GINS1: variants seen among roughly 807,000 people sequenced by gnomAD.
GINS1 encodes GINS complex subunit 1.
A neutral mutation model predicts 34.9 loss-of-function variants in GINS1; 26 were observed. The observed-to-expected ratio is 0.74, with a 90% CI of 0.55 to 1.03. The LOEUF (loss-of-function observed/expected upper bound fraction) is 1.03. GINS1 is among the 50% of genes least tolerant of loss of function. The pLI, the probability that GINS1 is intolerant of heterozygous loss-of-function variation, is 0.00. For missense variants in GINS1, 235 were observed against 237.9 expected (o/e 0.99, Z 0.08); for synonymous variants, 97 against 84.4 (o/e 1.15, Z -0.82).
chr20:25,434,040 T>C (rs2090440832), intron 5 of GINS1, among the ~76,000 whole-genome samples: 1 of 151,808 alleles, frequency 6.6e-6, no homozygotes. Flanking sequence ...TCCTAGCACT[T>C]TGGGAGTCCG....
intron 2 of GINS1, among the ~76,000 whole-genome samples, chr20:25,415,704 A>G (rs79811797): frequency 1.3e-5 from 2 of 151,918 alleles, no homozygotes; most frequent in Non-Finnish European, 2.9e-5. Context: ...AAAAAAAAAA[A>G]AGATGCCTGT....
intron 1 of GINS1, among the ~76,000 whole-genome samples, chr20:25,410,496 G>A (rs956995423): frequency 2.6e-5 from 4 of 152,250 alleles, no homozygotes; most frequent in East Asian, 1.9e-4. Flanking sequence ...GCTGGCCTCC[G>A]ACTCAGCGGC....
chr20:25,428,082 A>G (rs1032991601), intron 5 of GINS1, among the ~76,000 whole-genome samples: 3 of 152,006 alleles, frequency 2.0e-5, no homozygotes, highest in African/African-American at 7.2e-5. Context: ...CATGTTGGCC[A>G]GGCTGGTCTT....
At chr20:25,414,885 T>C (rs988448261) in intron 2 of GINS1, among the ~76,000 whole-genome samples, 1 of 152,178 alleles carries the variant, frequency 6.6e-6, no homozygotes, top group African/African-American at 2.4e-5. Context: ...GAACTAGCTA[T>C]AAAAGGTTTC....
At chr20:25,428,969 C>CTCTTTTTTTTTTTTTTTTT (rs2090410211) in intron 5 of GINS1, among the ~76,000 whole-genome samples, 1 of 127,442 alleles carries the variant, frequency 7.8e-6, no homozygotes. Context: ...ATTCCTCTCT[C>CTCTTTTTTTTTTTTTTTTT]TTTTTTTTTT....
intron 6 of GINS1, among the ~76,000 whole-genome samples, chr20:25,443,741 C>CA (rs1041133857): frequency 1.3e-5 from 2 of 151,970 alleles, no homozygotes; most frequent in African/African-American, 2.4e-5. Context: ...CTCAGCCTCC[C>CA]AAAGTGCTGG....
chr20:25,423,446 TC>T (rs1360370936), intron 4 of GINS1, among the ~76,000 whole-genome samples: 13 of 113,528 alleles, frequency 1.1e-4, no homozygotes, highest in Non-Finnish European at 1.9e-4. Context: ...AAGATATTTT[TC>T]TTTTCTTTTT....
rs567984534 is a variant in GINS1, at chr20:25,418,253, T to A, written c.330+58T>A. ...GAAAATGCTAAAGTTCTGGCATTGT[T>A]CTATAATAGTGTTTATTGGTATTCC... On this transcript the variant is annotated intron_variant, in intron 4 of 6. Coordinates refer to ENST00000262460, the MANE Select transcript of GINS1 (RefSeq NM_021067.5). 2.0e-5 allele frequency: 19 copies of A among 959,324 alleles called. No individual in the cohort carries two copies. In the African/African-American group the frequency reaches 2.7e-4, roughly 14 times the overall value. 59.4% of individuals were successfully genotyped at this position (959,324 alleles called of 1,614,324 possible). A position where few individuals can be genotyped will look rare whatever the true frequency, so the allele number is the denominator to read the frequency against.
chr20:25,417,111 G>A lies in GINS1; in HGVS notation c.148G>A (p.Ala50Thr), dbSNP rs1315393139. 1.3e-6 allele frequency: 2 copies of A among 1,536,644 alleles called. No homozygotes were observed. The highest frequency in any genetic ancestry group is 1.8e-6 in the Non-Finnish European group (2 of 1,113,344). The change falls in exon 3 of 7, where the codon GCA (alanine) becomes ACA (threonine). Residue 50 changes from alanine (A) to threonine (T), a missense_variant. By Grantham distance (58) the Ala-to-Thr change is moderately conservative. Transcript: ENST00000262460. ...YEQNQSDVNE[A>T]KSGGRSDLIP... ...TTTAAATGCTCCTATCAGGAATGAA[G>A]CAAAGTCAGGTGGACGAAGTGATTT...
chr20:25,410,982 A>G (rs2090281194), intron 1 of GINS1: 1 of 152,190 alleles, frequency 6.6e-6, no homozygotes, highest in African/African-American at 2.4e-5. Context: ...GTACATTTTT[A>G]AGAAAGTTAG....
intron 5 of GINS1, among the ~76,000 whole-genome samples, chr20:25,435,361 C>T (rs1258761521): frequency 6.6e-6 from 1 of 152,132 alleles, no homozygotes; most frequent in Non-Finnish European, 1.5e-5. Flanking sequence ...CGCAGTGGCA[C>T]AATCATAGCT....
rs1250920153 is a variant in GINS1 at position 25,427,754 on chromosome 20, A to G, written c.447+2427A>G. ...ATATGATTTGCAAATATTTTCTCCC[A>G]TTCTCTGGGTTGCCTTTTTATGCTG... On this transcript the variant is annotated intron_variant, in intron 5 of 6. Transcript: ENST00000262460. Among the ~76,000 whole-genome samples the G allele has an allele frequency of 3.4e-5, 5 of 149,114 alleles. No individual in the cohort carries two copies. In the East Asian group the frequency reaches 9.8e-4, roughly 29 times the overall value.
In GINS1 at chr20:25,410,771, C is replaced by T. The variant is rs540204973; in HGVS notation, c.75+2876C>T. Among the ~76,000 whole-genome samples the T allele has an allele frequency of 9.2e-5, 14 of 152,042 alleles. No homozygotes were observed. In the South Asian group the frequency reaches 2.5e-3, roughly 27 times the overall value. On this transcript the variant is annotated intron_variant, in intron 1 of 6. Transcript: ENST00000262460. ...AGAGATGGGGTTTCACTATTTTGGC[C>T]GGGCTGGTCTCGAACTCCTGACCTC...
chr20:25,434,032 C>G (rs976513713), intron 5 of GINS1, among the ~76,000 whole-genome samples: 1 of 151,654 alleles, frequency 6.6e-6, no homozygotes, highest in Admixed American at 6.6e-5. Flanking sequence ...GCCTGTAATC[C>G]TAGCACTTTG....
At chr20:25,417,996 C>T in intron 3 of GINS1, 109 bp from the exon 4 acceptor site, 1 of 741,932 alleles carries the variant, frequency 1.3e-6, no homozygotes. Flanking sequence ...TTCTTGTTTT[C>T]CCTAAGATGT....
chr20:25,415,731 CTA>C (rs1320089636), intron 2 of GINS1, among the ~76,000 whole-genome samples: 3 of 150,488 alleles, frequency 2.0e-5, no homozygotes, highest in African/African-American at 7.3e-5. Context: ...CGCTCACTGT[CTA>C]GTGCAGAAGA....
At chr20:25,416,577 A>C (rs181009802) in intron 2 of GINS1, among the ~76,000 whole-genome samples, 3 of 152,360 alleles carry the variant, frequency 2.0e-5, no homozygotes, top group Non-Finnish European at 2.9e-5. Context: ...TTTCAGTGTG[A>C]GAAATACTGA....
intron 1 of GINS1, among the ~76,000 whole-genome samples, chr20:25,410,959 C>CT (rs1281251849): frequency 6.6e-6 from 1 of 152,044 alleles, no homozygotes; most frequent in Non-Finnish European, 1.5e-5. Context: ...AGAATTGATA[C>CT]TTTTTTTAAA....
intron 5 of GINS1, 48 bp from the exon 6 acceptor site, chr20:25,441,654 C>A: frequency 1.1e-6 from 1 of 895,022 alleles, no homozygotes; most frequent in Non-Finnish European, 1.8e-6. Context: ...TTGGTCACTG[C>A]ATATTAAAAA....
Sources: gnomAD v4.1 joint callset for allele counts (sites outside exome capture counted in the v4.1 genomes callset) on GRCh38, gnomAD v4.1.1 for gene constraint, MANE v1.5 for transcripts, NCBI Gene and HGNC (gene_info 2026-07-23, HGNC 2026-07-21) for gene names.